Variants in SLC38A9 observed in about 807,000 individuals in gnomAD.
SLC38A9 encodes solute carrier family 38 member 9, also known as neutral amino acid transporter 9.
A neutral mutation model predicts 62.3 loss-of-function variants in SLC38A9; 48 were observed. The observed-to-expected ratio is 0.77, with a 90% CI of 0.61 to 0.98. The LOEUF is 0.98. SLC38A9 is among the 50% of genes least tolerant of loss of function. The pLI is 0.00. For missense variants in SLC38A9, 541 were observed against 679.8 expected (o/e 0.80, Z 2.27); for synonymous variants, 204 against 227.7 (o/e 0.90, Z 0.94).
Position 55,646,116 on chromosome 5 carries a change from C to G in SLC38A9, c.1061-221G>C, listed in dbSNP as rs559626880. The stretch of plus-strand genomic sequence containing the variant: ...TCTGGCTGAGTGTGGTGGCTCACAC[C>G]TGTAATCCTAACATTTTGGGAGGCC... On this transcript the variant is annotated intron_variant, in intron 11 of 15. Transcript: ENST00000396865. Among the ~76,000 whole-genome samples the G allele has an allele frequency of 1.2e-4, 19 of 152,314 alleles. No homozygotes were observed. The South Asian group carries it at 1.9e-3, about 15-fold the overall frequency.
chr5:55,630,339 A>G (rs1420520501), intron 14 of SLC38A9, among the ~76,000 whole-genome samples: 1 of 151,902 alleles, frequency 6.6e-6, no homozygotes, highest in Non-Finnish European at 1.5e-5. Context: ...TTTTTTTGAG[A>G]TGGAGTCTCG....
chr5:55,666,784 T>G (rs965183709), intron 7 of SLC38A9, among the ~76,000 whole-genome samples: 1 of 146,880 alleles, frequency 6.8e-6, no homozygotes, highest in African/African-American at 2.6e-5. Flanking sequence ...TCCCAGCACT[T>G]TGGGAGGCCG....
chr5:55,638,293 A>C (rs1387958632), intron 12 of SLC38A9, among the ~76,000 whole-genome samples: 2 of 152,182 alleles, frequency 1.3e-5, no homozygotes, highest in Non-Finnish European at 2.9e-5. Flanking sequence ...AGGCCTAAAG[A>C]TATAGCCTAT....
intron 3 of SLC38A9, among the ~76,000 whole-genome samples, chr5:55,690,163 A>G (rs929596878): frequency 1.3e-5 from 2 of 152,116 alleles, no homozygotes; most frequent in Non-Finnish European, 2.9e-5. Flanking sequence ...CTTTTGTAGA[A>G]ATTTGCTAAG....
At chr5:55,682,292 A>G (rs1433150440) in intron 3 of SLC38A9, among the ~76,000 whole-genome samples, 1 of 152,186 alleles carries the variant, frequency 6.6e-6, no homozygotes, top group Non-Finnish European at 1.5e-5. Flanking sequence ...AACAACTACA[A>G]TAAATGTTCT....
chr5:55,640,882 G>A (rs1430836223), intron 12 of SLC38A9, among the ~76,000 whole-genome samples: 1 of 152,208 alleles, frequency 6.6e-6, no homozygotes, highest in Non-Finnish European at 1.5e-5. Flanking sequence ...TGTTGCCCAT[G>A]CTGGAGTGCA....
intron 2 of SLC38A9, among the ~76,000 whole-genome samples, chr5:55,703,366 G>C (rs1580440584): frequency 6.6e-6 from 1 of 152,270 alleles, no homozygotes; most frequent in East Asian, 1.9e-4. Context: ...TGTCAAATTA[G>C]CTTAGTAATA....
intron 3 of SLC38A9, chr5:55,694,202 T>C (rs1755118310): frequency 1.2e-5 from 2 of 171,092 alleles, no homozygotes; most frequent in Admixed American, 5.9e-5. Context: ...AGTGAGACCC[T>C]GTCTCAAAAA....
chr5:55,664,807 AG>A lies in SLC38A9; in HGVS notation c.582del (p.Ser195ProfsTer19), dbSNP rs1358715047. 5.0e-6 allele frequency: 8 copies of A among 1,591,052 alleles called. No homozygotes were observed. Among genetic ancestry groups the A allele is most frequent in the Non-Finnish European group, 6.8e-6 (8 of 1,169,930 alleles). ...EYPDVCRHYF[G>X]SFGQWSSLLF... ...AGGAGACTCGACCACTGCCCAAAGG[AG>A]CCGAAATAATGTCTGCAGACATCTG... On this transcript the variant is annotated frameshift_variant, in exon 8 of 16. Transcript: ENST00000396865. LOFTEE classifies it high-confidence loss of function.
chr5:55,633,922 G>A lies in SLC38A9; in HGVS notation c.1282-20C>T. ...AAAATTCTAATCCAAGAAAGATAAT[G>A]AGGTCATGTTAAAAATCAAATTCAG... On this transcript the variant is annotated intron_variant, in intron 13 of 15. Coordinates refer to ENST00000396865, the MANE Select transcript of SLC38A9 (RefSeq NM_173514.4). 1.3e-6 allele frequency: 2 copies of A among 1,572,294 alleles called. No individual in the cohort carries two copies. The highest frequency in any genetic ancestry group is 1.7e-6 in the Non-Finnish European group (2 of 1,151,476).
In SLC38A9 at chr5:55,627,863, A is replaced by T. The variant is rs1427409760; in HGVS notation, c.1520+28T>A. The T allele has an allele frequency of 2.2e-6, 3 of 1,386,768 alleles. No homozygotes were observed. In the Admixed American group the frequency reaches 5.3e-5, roughly 25 times the overall value. The allele number at this position is 1,386,768 out of a possible 1,614,324, so 85.9% of individuals were successfully genotyped here. A position where few individuals can be genotyped will look rare whatever the true frequency, so the allele number is the denominator to read the frequency against. On this transcript the variant is annotated intron_variant, in intron 15 of 15. Coordinates refer to ENST00000396865, the MANE Select transcript of SLC38A9 (RefSeq NM_173514.4). ...CTGAAAATAAAGACCAATATATGTA[A>T]GGGCACCATTCCCTTACAAGGCAGT...
At chr5:55,666,779 G>A (rs1019510870) in intron 7 of SLC38A9, among the ~76,000 whole-genome samples, 2 of 152,164 alleles carry the variant, frequency 1.3e-5, no homozygotes, top group African/African-American at 4.8e-5. Context: ...TGTAATCCCA[G>A]CACTTTGGGA....
chr5:55,641,796 G>A (rs1286282829), intron 12 of SLC38A9, among the ~76,000 whole-genome samples: 1 of 152,210 alleles, frequency 6.6e-6, no homozygotes, highest in African/African-American at 2.4e-5. Flanking sequence ...GAAGTTATGT[G>A]ATTGGTTACT....
chr5:55,692,087 C>A (rs773599059), intron 3 of SLC38A9, among the ~76,000 whole-genome samples: 4 of 152,136 alleles, frequency 2.6e-5, no homozygotes, highest in Non-Finnish European at 5.9e-5. Flanking sequence ...AAGACAGTTT[C>A]TCAAAGTATG....
intron 15 of SLC38A9, among the ~76,000 whole-genome samples, 153 bp downstream of exon 15, chr5:55,627,738 T>C (rs977491937): frequency 6.6e-6 from 1 of 152,068 alleles, no homozygotes; most frequent in African/African-American, 2.4e-5. Context: ...AATGAGCATC[T>C]TAACTGATAC....
chr5:55,695,915 T>A (rs1755473290), intron 3 of SLC38A9: 1 of 75,776 alleles, frequency 1.3e-5, no homozygotes, highest in Non-Finnish European at 3.2e-5. Flanking sequence ...CCCACCTCCC[T>A]CCCGGACGGG....
At chr5:55,697,662 A>T (rs1756084117) in intron 3 of SLC38A9, among the ~76,000 whole-genome samples, 184 bp downstream of exon 3, 1 of 151,500 alleles carries the variant, frequency 6.6e-6, no homozygotes. Flanking sequence ...GTGAAAAAAA[A>T]AAAAAAAAAA....
chr5:55,681,112 T>C (rs1383127359), intron 3 of SLC38A9, among the ~76,000 whole-genome samples: 2 of 152,234 alleles, frequency 1.3e-5, no homozygotes, highest in Non-Finnish European at 2.9e-5. Flanking sequence ...GCACAATCTT[T>C]CTAGAAAGCA....
intron 9 of SLC38A9, among the ~76,000 whole-genome samples, chr5:55,655,756 A>G (rs1016198479): frequency 8.5e-5 from 13 of 152,180 alleles, no homozygotes; most frequent in African/African-American, 2.9e-4. Flanking sequence ...CTTAGTGATC[A>G]ATGTGCATCT....
Sources: gnomAD v4.1 joint callset for allele counts (sites outside exome capture counted in the v4.1 genomes callset) on GRCh38, gnomAD v4.1.1 for gene constraint, MANE v1.5 for transcripts, NCBI Gene and HGNC (gene_info 2026-07-23, HGNC 2026-07-21) for gene names.